The following FOXP1 variants were observed in gnomAD, a reference collection of about 807,000 sequenced individuals.
FOXP1 encodes the protein forkhead box protein P1.
In FOXP1, 15 loss-of-function variants were observed where a neutral mutation model predicts 98.2. That is an observed-to-expected ratio of 0.15 (90% confidence interval 0.10 to 0.24). FOXP1 has a LOEUF of 0.24. Among genes scored for constraint, FOXP1 ranks in the 10% least tolerant of loss-of-function variants. FOXP1 has a pLI of 1.00. For missense variants in FOXP1, 633 were observed against 848.5 expected (o/e 0.75, Z 3.15); for synonymous variants, 371 against 314.5 (o/e 1.18, Z -1.90).
intron 2 of FOXP1, among the ~76,000 whole-genome samples, chr3:71,512,039 A>ATAGATTTTC (rs1490080145): frequency 7.2e-5 from 11 of 152,226 alleles, no homozygotes; most frequent in Non-Finnish European, 1.3e-4. Flanking sequence ...AGCCCTTGAC[A>ATAGATTTTC]TAGATTTTCC....
intron 3 of FOXP1, among the ~76,000 whole-genome samples, chr3:71,468,927 G>A (rs183480202): frequency 6.6e-6 from 1 of 152,180 alleles, no homozygotes; most frequent in Non-Finnish European, 1.5e-5. Flanking sequence ...AGACACAAAA[G>A]ATATCTCAGG....
intron 6 of FOXP1, among the ~76,000 whole-genome samples, chr3:71,134,948 C>A (rs541705826): frequency 6.6e-6 from 1 of 152,204 alleles, no homozygotes; most frequent in Admixed American, 6.5e-5. Flanking sequence ...TCTAGACAAT[C>A]CTACCTTCTT....
intron 6 of FOXP1, among the ~76,000 whole-genome samples, chr3:71,126,748 C>T (rs1485488814): frequency 6.6e-6 from 1 of 151,060 alleles, no homozygotes; most frequent in Non-Finnish European, 1.5e-5. Flanking sequence ...CCCTTGAACC[C>T]GTGAGATGGA....
chr3:71,480,509 G>A (rs2090190024), intron 3 of FOXP1, among the ~76,000 whole-genome samples: 2 of 152,208 alleles, frequency 1.3e-5, no homozygotes, highest in Non-Finnish European at 2.9e-5. Context: ...AAATGATGGA[G>A]ATAGTTTTGT....
At chr3:71,414,328 C>T (rs1317009696) in intron 3 of FOXP1, among the ~76,000 whole-genome samples, 3 of 152,172 alleles carry the variant, frequency 2.0e-5, no homozygotes, top group Non-Finnish European at 4.4e-5. Flanking sequence ...CCTCCACACC[C>T]AGCTCGGGGC....
At chr3:71,364,726 T>A (rs1577145268) in intron 3 of FOXP1, among the ~76,000 whole-genome samples, 1 of 152,200 alleles carries the variant, frequency 6.6e-6, no homozygotes, top group Admixed American at 6.5e-5. Flanking sequence ...ATCAGATACC[T>A]CCCTAGAGGT....
At chr3:71,126,866 ACAAAC>A (rs1448167157) in intron 6 of FOXP1, among the ~76,000 whole-genome samples, 1 of 126,918 alleles carries the variant, frequency 7.9e-6, no homozygotes. Context: ...AAAAAAAAAA[ACAAAC>A]AAAAAAAAAA....
rs555908330 is a variant in FOXP1, at chr3:71,108,351, G to A, written c.282+4185C>T. The stretch of plus-strand genomic sequence containing the variant: ...AATTTGATCAATAAAATTGCTCATC[G>A]ACTCACAAATTAATCTTCAGCCAGT... On this transcript the variant is annotated intron_variant, in intron 7 of 20. Transcript: ENST00000649528. 3.3e-5 allele frequency among the ~76,000 whole-genome samples: 5 copies of A among 152,266 alleles called. No homozygotes were observed. The East Asian group carries it at 7.7e-4, about 23-fold the overall frequency.
chr3:71,229,430 G>A (rs2066103220), intron 5 of FOXP1, among the ~76,000 whole-genome samples: 2 of 151,988 alleles, frequency 1.3e-5, no homozygotes, highest in Non-Finnish European at 2.9e-5. Context: ...GTCATAAACA[G>A]GAAAAAAAGG....
intron 7 of FOXP1, among the ~76,000 whole-genome samples, chr3:71,096,015 T>C (rs1247905994): frequency 6.6e-6 from 1 of 152,192 alleles, no homozygotes; most frequent in Non-Finnish European, 1.5e-5. Context: ...ATTCTTGTAT[T>C]AGGATATTCA....
chr3:70,966,494 G>A (rs559330556), intron 19 of FOXP1: 4 of 193,054 alleles, frequency 2.1e-5, no homozygotes, highest in South Asian at 9.7e-5. Context: ...TGGCCGCACC[G>A]CTCAAACTTA....
At chr3:71,378,099 A>C (rs2079861110) in intron 3 of FOXP1, among the ~76,000 whole-genome samples, 1 of 21,228 alleles carries the variant, frequency 4.7e-5, no homozygotes, top group East Asian at 0.17. Context: ...CCAAGAAACA[A>C]AAAAAAAAAA....
At chr3:70,964,156 C>T (rs1446774179) in intron 20 of FOXP1, among the ~76,000 whole-genome samples, 2 of 152,198 alleles carry the variant, frequency 1.3e-5, no homozygotes, top group Non-Finnish European at 2.9e-5. Flanking sequence ...TAGCAAACAG[C>T]ACAAACCTGT....
At chr3:71,087,428 G>A (rs555198567) in intron 7 of FOXP1, among the ~76,000 whole-genome samples, 2 of 152,292 alleles carry the variant, frequency 1.3e-5, no homozygotes, top group East Asian at 3.9e-4. Flanking sequence ...GCATCGAGCC[G>A]CATCAGAGGT....
chr3:71,283,583 G>T (rs1576758634), intron 5 of FOXP1, among the ~76,000 whole-genome samples: 3 of 152,172 alleles, frequency 2.0e-5, no homozygotes, highest in African/African-American at 7.2e-5. Flanking sequence ...AGCTGCTGAG[G>T]ATAACAGAGC....
At chr3:70,972,817 C>T in intron 17 of FOXP1, 141 bp from the exon 18 acceptor site, 1 of 797,070 alleles carries the variant, frequency 1.3e-6, no homozygotes. Flanking sequence ...AGGACCTTCT[C>T]ATGGTTAAGG....
In FOXP1 at chr3:70,956,039, C is replaced by T. The variant is rs2031702605; in HGVS notation, c.*3208G>A. On this transcript the variant is annotated 3_prime_UTR_variant, in exon 21 of 21. Transcript: ENST00000649528. ...TACATGTGCAGCATATTCTGCAATTCCGTTACATACAGTAGTTTTTTTTCC... is the reference window on the plus strand; with the variant it reads ...TACATGTGCAGCATATTCTGCAATTTCGTTACATACAGTAGTTTTTTTTCC... 4.3e-6 allele frequency: 1 copy of T among 233,046 alleles called. No homozygotes were observed. The highest frequency in any genetic ancestry group is 8.5e-6 in the Non-Finnish European group (1 of 118,044). The allele number at this position is 233,046 out of a possible 1,614,324, so 14.4% of individuals were successfully genotyped here.
chr3:71,051,919 A>G (rs2049949497), intron 9 of FOXP1, among the ~76,000 whole-genome samples: 3 of 152,190 alleles, frequency 2.0e-5, no homozygotes, highest in South Asian at 4.1e-4. Context: ...TATAGAAGCT[A>G]TTATGATATA....
chr3:71,085,181 C>T (rs1325903905), intron 7 of FOXP1, among the ~76,000 whole-genome samples: 1 of 152,058 alleles, frequency 6.6e-6, no homozygotes. Flanking sequence ...CTCACTCTGT[C>T]CCCCAGGCTG....
Sources: allele counts gnomAD v4.1 joint callset (sites outside exome capture counted in the v4.1 genomes callset), GRCh38; gene constraint gnomAD v4.1.1; transcripts MANE v1.5; gene names NCBI Gene and HGNC (gene_info 2026-07-23, HGNC 2026-07-21).